The following SLC35A5 variants were observed in gnomAD, a reference collection of about 807,000 sequenced individuals.
SLC35A5 encodes the protein UDP-sugar transporter protein SLC35A5.
In SLC35A5, 28 loss-of-function variants were observed where a neutral mutation model predicts 36.3. The observed-to-expected ratio is 0.77, with a 90% CI of 0.57 to 1.06. The LOEUF is 1.06. Ranked by LOEUF, SLC35A5 falls within the 50% of genes least tolerant of loss-of-function variation. The pLI is 0.00. For missense variants in SLC35A5, 521 were observed against 499.3 expected (o/e 1.04, Z -0.41); for synonymous variants, 180 against 173.7 (o/e 1.04, Z -0.29).
At chr3:112,574,101 C>G in intron 5 of SLC35A5, 145 bp downstream of exon 5, 2 of 612,806 alleles carry the variant, frequency 3.3e-6, no homozygotes, top group South Asian at 4.8e-5. Context: ...CACGTTTAAG[C>G]CATGTAGAAA....
At chr3:112,580,501 T>C (rs1437162791) in intron 5 of SLC35A5, 45 bp from the exon 6 acceptor site, 3 of 1,530,102 alleles carry the variant, frequency 2.0e-6, no homozygotes, top group South Asian at 1.3e-5. Context: ...ACTATTGATA[T>C]GGGGGGAAAA....
At position 112,585,270 on chromosome 3, in the gene SLC35A5, C is replaced by T. The variant is rs1424738903; in HGVS notation, c.*2534C>T. On this transcript the variant is annotated 3_prime_UTR_variant, in exon 7 of 7. Transcript: ENST00000492406. ...ATCAGATCTCATGAGAACTTACTAT[C>T]ATGAGAACAGCATGGGGGAAACTGC... 1 of 152,106 alleles carries T rather than the reference C, an allele frequency of 6.6e-6. No individual in the cohort carries two copies. The highest frequency in any genetic ancestry group is 1.9e-4 in the East Asian group (1 of 5,196). 9.4% of individuals were successfully genotyped at this position (152,106 alleles called of 1,614,324 possible).
intron 2 of SLC35A5, 60 bp from the exon 3 acceptor site, chr3:112,569,111 T>A: frequency 7.7e-7 from 1 of 1,305,558 alleles, no homozygotes. Flanking sequence ...TATGTTATAC[T>A]GTATATAAAC....
At position 112,581,321 on chromosome 3, in the gene SLC35A5, AG is replaced by A; in HGVS notation, c.1205del (p.Ser402MetfsTer7). ...AAGTGGCAATCTTTGGGAGCGTTCC[AG>A]TGGGGTAAGTTTGTGAGGGTGTTCC... ...DLSGNLWERS[S>X]GDGEELERLT... is the part of the protein sequence containing the mutation. On this transcript the variant is annotated frameshift_variant, in exon 6 of 7. Coordinates refer to ENST00000492406, the MANE Select transcript of SLC35A5 (RefSeq NM_017945.5). LOFTEE classifies it high-confidence loss of function. 6.3e-7 allele frequency: 1 copy of A among 1,597,958 alleles called. No individual in the cohort carries two copies. The highest frequency in any genetic ancestry group is 8.5e-7 in the Non-Finnish European group (1 of 1,173,556).
chr3:112,577,202 G>C (rs1934714127), intron 5 of SLC35A5, among the ~76,000 whole-genome samples: 1 of 151,766 alleles, frequency 6.6e-6, no homozygotes, highest in South Asian at 2.1e-4. Flanking sequence ...ATTTGAAAGT[G>C]GGAAAAAAAA....
At chr3:112,580,117 C>T (rs1934837453) in intron 5 of SLC35A5, among the ~76,000 whole-genome samples, 1 of 136,654 alleles carries the variant, frequency 7.3e-6, no homozygotes, top group South Asian at 2.3e-4. Context: ...TGCAGGATCT[C>T]CTGCATAGGG....
chr3:112,571,216 G>C (rs1300653381), intron 4 of SLC35A5, among the ~76,000 whole-genome samples: 2 of 152,180 alleles, frequency 1.3e-5, no homozygotes, highest in African/African-American at 4.8e-5. Flanking sequence ...GATAATGCTG[G>C]AAATACTTCT....
chr3:112,569,097 C>A, intron 2 of SLC35A5, 74 bp from the exon 3 acceptor site: 1 of 1,180,326 alleles, frequency 8.5e-7, no homozygotes, highest in Non-Finnish European at 1.2e-6. Context: ...AATTTTAAAA[C>A]AATTATGTTA....
upstream of SLC35A5, chr3:112,561,437 G>A: frequency 1.2e-6 from 2 of 1,611,710 alleles, no homozygotes; most frequent in Non-Finnish European, 1.7e-6. Flanking sequence ...ACAGCTCCCG[G>A]CAACCCTGGC....
At chr3:112,562,601 T>C (rs1933972945) in intron 1 of SLC35A5, among the ~76,000 whole-genome samples, 1 of 152,238 alleles carries the variant, frequency 6.6e-6, no homozygotes, top group Non-Finnish European at 1.5e-5. Context: ...ATCTCCTCCA[T>C]TTCAAACACT....
intron 4 of SLC35A5, among the ~76,000 whole-genome samples, chr3:112,572,358 G>A (rs1458700651): frequency 6.6e-6 from 1 of 152,010 alleles, no homozygotes; most frequent in African/African-American, 2.4e-5. Context: ...TCAAAGGCAG[G>A]GAACTGGGCC....
chr3:112,582,561 A>G (rs1322458586), intron 6 of SLC35A5, 110 bp from the exon 7 acceptor site: 1 of 689,606 alleles, frequency 1.5e-6, no homozygotes, highest in Non-Finnish European at 2.5e-6. Flanking sequence ...TGACCAGATT[A>G]TATCTATAGC....
intron 4 of SLC35A5, among the ~76,000 whole-genome samples, chr3:112,572,222 G>A (rs1934480796): frequency 6.6e-6 from 1 of 151,642 alleles, no homozygotes; most frequent in Admixed American, 6.6e-5. Flanking sequence ...GATTACAGGC[G>A]TGAGCCACCG....
chr3:112,567,598 C>T (rs899916963), intron 2 of SLC35A5, among the ~76,000 whole-genome samples: 1 of 152,202 alleles, frequency 6.6e-6, no homozygotes, highest in African/African-American at 2.4e-5. Flanking sequence ...AGCCACTGCA[C>T]CCAGCTAGAA....
At position 112,569,281 on chromosome 3, in the gene SLC35A5, A is replaced by G; in HGVS notation, c.229+12A>G. The G allele has an allele frequency of 1.2e-6, 2 of 1,605,402 alleles. No individual in the cohort carries two copies. Among genetic ancestry groups the G allele is most frequent in the Non-Finnish European group, 1.7e-6 (2 of 1,172,562 alleles). Reference sequence around the variant, plus strand: ...TGTTATAAAGAAAGGTAAGTCTTGAAATGGTACTATATACTTGTTAATCAT... The same window carrying G: ...TGTTATAAAGAAAGGTAAGTCTTGAGATGGTACTATATACTTGTTAATCAT... On this transcript the variant is annotated intron_variant, in intron 3 of 6. Transcript: ENST00000492406.
At chr3:112,573,766 A>G (rs900105963) in intron 4 of SLC35A5, 123 bp from the exon 5 acceptor site, 1 of 704,112 alleles carries the variant, frequency 1.4e-6, no homozygotes, top group Non-Finnish European at 2.5e-6. Context: ...TGAAATTGCT[A>G]CCTTAATAAC....
intron 2 of SLC35A5, 152 bp downstream of exon 2, chr3:112,563,685 GCATTCCTCAA>G: frequency 1.2e-6 from 1 of 852,456 alleles, no homozygotes; most frequent in Non-Finnish European, 1.6e-6. Context: ...ATTTAACCTT[GCATTCCTCAA>G]CAAGAAAAAA....
At chr3:112,567,828 C>T (rs1419975147) in intron 2 of SLC35A5, among the ~76,000 whole-genome samples, 3 of 152,200 alleles carry the variant, frequency 2.0e-5, no homozygotes, top group Non-Finnish European at 4.4e-5. Flanking sequence ...AGAACAGTGA[C>T]AAGGGTTTGA....
Position 112,582,979 on chromosome 3 carries a change from A to C in SLC35A5, c.*243A>C. On this transcript the variant is annotated 3_prime_UTR_variant, in exon 7 of 7. Transcript: ENST00000492406. ...TTCATTAATATCTCAGTACTTGATA[A>C]ATCAGAAAGTTATATGTGCAGATTA... is the stretch of plus-strand genomic sequence containing the variant. 1 of 471,778 alleles carries C rather than the reference A, an allele frequency of 2.1e-6. No individual in the cohort carries two copies. The highest frequency in any genetic ancestry group is 3.2e-5 in the East Asian group (1 of 31,302). 29.2% of individuals were successfully genotyped at this position (471,778 alleles called of 1,614,324 possible). A position where few individuals can be genotyped will look rare whatever the true frequency, so the allele number is the denominator to read the frequency against.
Sources: gnomAD v4.1 joint callset for allele counts (sites outside exome capture counted in the v4.1 genomes callset) on GRCh38, gnomAD v4.1.1 for gene constraint, MANE v1.5 for transcripts, NCBI Gene and HGNC (gene_info 2026-07-23, HGNC 2026-07-21) for gene names.